PDE1C: variants seen among roughly 807,000 people sequenced by gnomAD.
PDE1C encodes the protein phosphodiesterase 1C, also known as dual specificity calcium/calmodulin-dependent 3',5'-cyclic nucleotide phosphodiesterase 1C.
In PDE1C, 62 loss-of-function variants were observed where a neutral mutation model predicts 93.1. The ratio of observed to expected loss-of-function variants is 0.67; its 90% CI spans 0.54 to 0.82. PDE1C has a LOEUF of 0.82. Among genes scored for constraint, PDE1C ranks in the 40% least tolerant of loss-of-function variants. The pLI is 0.00. For missense variants in PDE1C, 742 were observed against 884.6 expected (o/e 0.84, Z 2.04); for synonymous variants, 325 against 310.1 (o/e 1.05, Z -0.50).
At chr7:32,212,037 A>G (rs1404453745) in intron 1 of PDE1C, among the ~76,000 whole-genome samples, 1 of 151,402 alleles carries the variant, frequency 6.6e-6, no homozygotes, top group Non-Finnish European at 1.5e-5. Flanking sequence ...AAAAAAAAAA[A>G]AAAAAAAAGA....
the PDE1C span, among the ~76,000 whole-genome samples, chr7:31,734,642 C>G: frequency 6.6e-6 from 1 of 151,948 alleles, no homozygotes; most frequent in African/African-American, 2.4e-5. Context: ...CTGTTTCGTG[C>G]CCAAGAGCAA....
chr7:32,072,655 C>A (rs1796131641), upstream of PDE1C, among the ~76,000 whole-genome samples: 1 of 152,104 alleles, frequency 6.6e-6, no homozygotes, highest in South Asian at 2.1e-4. Flanking sequence ...TTTCCATAGC[C>A]CAAGCATTGT....
At chr7:32,267,586 A>ACACTCTCTCTCT (rs1442508353) in intron 1 of PDE1C, among the ~76,000 whole-genome samples, 10 of 117,608 alleles carry the variant, frequency 8.5e-5, no homozygotes, top group African/African-American at 2.4e-4. Flanking sequence ...ACACACACAC[A>ACACTCTCTCTCT]CTCTCTCTCT....
the PDE1C span, among the ~76,000 whole-genome samples, chr7:31,743,976 G>A: frequency 6.6e-6 from 1 of 152,156 alleles, no homozygotes; most frequent in East Asian, 1.9e-4. Flanking sequence ...CCCAGATGTA[G>A]GACAACTGGG....
At chr7:32,054,519 T>C (rs1793804436) in intron 1 of PDE1C, among the ~76,000 whole-genome samples, 1 of 152,178 alleles carries the variant, frequency 6.6e-6, no homozygotes, top group African/African-American at 2.4e-5. Context: ...TATGCATCTC[T>C]ATATCTATCC....
At position 32,018,004 on chromosome 7, in the gene PDE1C, CG is replaced by C. The variant is rs1344403065; in HGVS notation, c.128+33549del. Among the ~76,000 whole-genome samples, 10 of 151,764 alleles carry C rather than the reference CG, an allele frequency of 6.6e-5. No individual in the cohort carries two copies. The East Asian group carries it at 1.7e-3, about 26-fold the overall frequency. On this transcript the variant is annotated intron_variant, in intron 2 of 17. Coordinates refer to ENST00000396191, the MANE Select transcript of PDE1C (RefSeq NM_001191057.4). ...CTGAGGTAGGAGGATTGCTTGAGCC[CG>C]GGAAGTGGAGGTTGCAGTAAACCAA...
chr7:31,758,232 C>T (rs954958363), intron 17 of PDE1C, among the ~76,000 whole-genome samples: 2 of 151,868 alleles, frequency 1.3e-5, no homozygotes, highest in Non-Finnish European at 2.9e-5. Context: ...CCAACATGGC[C>T]CATGTATACG....
intron 3 of PDE1C, among the ~76,000 whole-genome samples, chr7:32,124,285 A>C (rs1175746102): frequency 6.6e-6 from 1 of 152,234 alleles, no homozygotes; most frequent in Non-Finnish European, 1.5e-5. Context: ...TGACCAAAGT[A>C]GTTTATAGAT....
intron 1 of PDE1C, among the ~76,000 whole-genome samples, chr7:32,284,244 A>AC (rs1273017482): frequency 2.6e-5 from 4 of 152,248 alleles, no homozygotes; most frequent in Non-Finnish European, 5.9e-5. Context: ...GACCCTATTC[A>AC]CATGGCACTA....
At chr7:32,089,016 C>G (rs942037997) in intron 3 of PDE1C, among the ~76,000 whole-genome samples, 8 of 152,152 alleles carry the variant, frequency 5.3e-5, no homozygotes, top group African/African-American at 1.9e-4. Context: ...TTTCAGCTAT[C>G]TGAGTAATTG....
intron 1 of PDE1C, among the ~76,000 whole-genome samples, chr7:32,381,771 A>T (rs1784539710): frequency 6.6e-6 from 1 of 152,128 alleles, no homozygotes. Flanking sequence ...TCCTTGAAAG[A>T]ATATATTTGT....
intron 2 of PDE1C, among the ~76,000 whole-genome samples, chr7:32,171,977 T>G (rs1281392990): frequency 1.3e-5 from 2 of 150,372 alleles, no homozygotes; most frequent in Non-Finnish European, 3.0e-5. Flanking sequence ...CCGTATGAGA[T>G]CTCTATATTA....
At chr7:32,309,034 C>A (rs1446833087) in intron 1 of PDE1C, among the ~76,000 whole-genome samples, 2 of 151,692 alleles carry the variant, frequency 1.3e-5, no homozygotes, top group Non-Finnish European at 2.9e-5. Flanking sequence ...CTAGAATAAC[C>A]AATGCAGAGA....
the PDE1C span, among the ~76,000 whole-genome samples, chr7:31,633,203 G>A: frequency 4.6e-5 from 7 of 152,090 alleles, no homozygotes; most frequent in South Asian, 2.1e-4. Context: ...GGAGATTTAC[G>A]CTGAGGAGAA....
chr7:31,742,021 A>G, the PDE1C span, among the ~76,000 whole-genome samples: 2 of 152,214 alleles, frequency 1.3e-5, no homozygotes, highest in African/African-American at 4.8e-5. Context: ...TGTTTTAGTC[A>G]CTGCTGCATT....
At chr7:31,790,353 G>A (rs1033586125) in intron 16 of PDE1C, 3 of 1,058,096 alleles carry the variant, frequency 2.8e-6, no homozygotes, top group African/African-American at 3.2e-5. Flanking sequence ...AAATCTAGGG[G>A]ACCAAAAAAA....
At chr7:32,111,180 G>T (rs189055103) in intron 3 of PDE1C, among the ~76,000 whole-genome samples, 5 of 152,196 alleles carry the variant, frequency 3.3e-5, no homozygotes, top group Admixed American at 3.3e-4. Flanking sequence ...ACTCTTAAAA[G>T]CCTGCAAAAA....
intron 2 of PDE1C, among the ~76,000 whole-genome samples, chr7:31,940,677 G>GTAGTCA (rs60576735): frequency 0.1 from 15,461 of 152,100 alleles, 1,332 homozygotes; most frequent in African/African-American, 0.25. Flanking sequence ...AGCCCCCTGT[G>GTAGTCA]TCTGAACAGA....
chr7:31,985,984 G>A (rs1783352214), intron 2 of PDE1C, among the ~76,000 whole-genome samples: 1 of 152,182 alleles, frequency 6.6e-6, no homozygotes, highest in Non-Finnish European at 1.5e-5. Flanking sequence ...CTCACAGTTA[G>A]GGTGAAGTGG....
Sources: gnomAD v4.1 joint callset for allele counts (sites outside exome capture counted in the v4.1 genomes callset) on GRCh38, gnomAD v4.1.1 for gene constraint, MANE v1.5 for transcripts, NCBI Gene and HGNC (gene_info 2026-07-23, HGNC 2026-07-21) for gene names.